Variants in GRHL1 observed in about 807,000 individuals in gnomAD.
GRHL1 encodes grainyhead like transcription factor 1.
In GRHL1, 38 loss-of-function variants were observed where a neutral mutation model predicts 75.7. The observed-to-expected ratio is 0.50, with a 90% confidence interval of 0.39 to 0.66. The LOEUF (loss-of-function observed/expected upper bound fraction) is 0.66. Among genes scored for constraint, GRHL1 ranks in the 30% least tolerant of loss-of-function variants. The pLI, the probability that GRHL1 is intolerant of heterozygous loss-of-function variation, is 0.00. For synonymous variants in GRHL1, 266 were observed against 279.4 expected, an observed-to-expected ratio of 0.95 and a Z score of 0.48; for missense variants, 589 against 767.5, an observed-to-expected ratio of 0.77 and a Z score of 2.75.
At chr2:9,966,740 C>T (rs1425247644) in intron 8 of GRHL1, among the ~76,000 whole-genome samples, 1 of 151,948 alleles carries the variant, frequency 6.6e-6, no homozygotes, top group Non-Finnish European at 1.5e-5. Context: ...GCTTTTCTTT[C>T]TTATCGTTGT....
chr2:9,976,739 T>C (rs1185291281), intron 8 of GRHL1, among the ~76,000 whole-genome samples: 5 of 152,136 alleles, frequency 3.3e-5, no homozygotes, highest in African/African-American at 1.2e-4. Flanking sequence ...TTTGCAGTCA[T>C]TTGAATAGAG....
At position 9,987,155 on chromosome 2, in the gene GRHL1, T is replaced by C. The variant is rs11893362; in HGVS notation, c.1269+873T>C. 0.24 allele frequency among the ~76,000 whole-genome samples: 36,029 copies of C among 151,898 alleles called. 4,511 individuals carry two copies. The highest frequency in any genetic ancestry group is 0.34 in the Admixed American group (5,118 of 15,264). On this transcript the variant is annotated intron_variant, in intron 9 of 15. Coordinates refer to ENST00000324907, the MANE Select transcript of GRHL1 (RefSeq NM_198182.3). The surrounding 1 kb of genome is among the most constrained non-coding windows in gnomAD (Gnocchi z 4.2). ...CCACCACACCTGGCTAATTTTTGTATAGAAACAGGGTTTCGCCAGGTTGGC... is the reference window on the plus strand; with the variant it reads ...CCACCACACCTGGCTAATTTTTGTACAGAAACAGGGTTTCGCCAGGTTGGC...
In GRHL1 at chr2:10,001,721, C is replaced by T. The variant is rs968266439; in HGVS notation, c.*1014C>T. On this transcript the variant is annotated 3_prime_UTR_variant, in exon 16 of 16. Coordinates refer to ENST00000324907, the MANE Select transcript of GRHL1 (RefSeq NM_198182.3). ...TAAAAGAAAAACACTACTGCAATCACGTCTTTTGTTATGCTAGTATCAGTC... is the reference window on the plus strand; with the variant it reads ...TAAAAGAAAAACACTACTGCAATCATGTCTTTTGTTATGCTAGTATCAGTC... 2.0e-5 allele frequency: 3 copies of T among 152,226 alleles called. No homozygotes were observed. Among genetic ancestry groups the T allele is most frequent in the Admixed American group, 6.5e-5 (1 of 15,278 alleles). 9.4% of individuals were successfully genotyped at this position (152,226 alleles called of 1,614,324 possible).
chr2:9,959,881 T>C (rs1667194906), intron 3 of GRHL1: 1 of 152,218 alleles, frequency 6.6e-6, no homozygotes, highest in African/African-American at 2.4e-5. Context: ...TTCTAGACTT[T>C]TTCCGTTTTA....
chr2:9,977,318 A>C lies in GRHL1; in HGVS notation c.1111-8806A>C, dbSNP rs1370283940. On this transcript the variant is annotated intron_variant, in intron 8 of 15. Transcript: ENST00000324907. ...CATTTAATAACAGATAATAATAAAC[A>C]CTGGAAGAAATTTTTTTTTTCAGAC... Among the ~76,000 whole-genome samples, 6 of 152,312 alleles carry C rather than the reference A, an allele frequency of 3.9e-5. No individual in the cohort carries two copies. In the East Asian group the frequency reaches 9.6e-4, roughly 24 times the overall value.
intron 8 of GRHL1, among the ~76,000 whole-genome samples, chr2:9,973,685 T>C (rs1358848706): frequency 1.3e-5 from 2 of 152,258 alleles, no homozygotes; most frequent in Admixed American, 6.5e-5. Flanking sequence ...AGCAATCTTT[T>C]TGACTGATTT....
intron 8 of GRHL1, among the ~76,000 whole-genome samples, chr2:9,976,554 G>A (rs547469052): frequency 6.6e-6 from 1 of 152,258 alleles, no homozygotes; most frequent in South Asian, 2.1e-4. Context: ...GGTTCTTTGA[G>A]GCTGTGTAAT....
chr2:9,983,805 CCA>C (rs1668301833), intron 8 of GRHL1, among the ~76,000 whole-genome samples: 1 of 148,196 alleles, frequency 6.7e-6, no homozygotes, highest in African/African-American at 2.5e-5. Context: ...TGAATGCATT[CCA>C]CAGACTCTCC....
Position 9,951,711 on chromosome 2 carries a change from C to G in GRHL1, c.-123C>G. 2.2e-6 allele frequency: 2 copies of G among 914,150 alleles called. No individual in the cohort carries two copies. The highest frequency in any genetic ancestry group is 1.6e-6 in the Non-Finnish European group (1 of 620,400). The allele number at this position is 914,150 out of a possible 1,614,324, so 56.6% of individuals were successfully genotyped here. The stretch of plus-strand genomic sequence containing the variant: ...CCGGCTCAGAGCGAGAAAAGCAAAC[C>G]CAACCCGTCGGGGCCGCCGCTCCGG... On this transcript the variant is annotated 5_prime_UTR_variant, in exon 1 of 16. Coordinates refer to ENST00000324907, the MANE Select transcript of GRHL1 (RefSeq NM_198182.3). This position sits in a 1 kb window ranked among gnomAD's most constrained non-coding sequence, Gnocchi z 4.2.
intron 8 of GRHL1, among the ~76,000 whole-genome samples, chr2:9,974,884 G>A (rs1667882969): frequency 6.6e-6 from 1 of 152,232 alleles, no homozygotes; most frequent in South Asian, 2.1e-4. Flanking sequence ...ATTACACTGT[G>A]TATTCTGGTC....
chr2:9,966,608 C>G (rs1667507076), intron 8 of GRHL1, among the ~76,000 whole-genome samples: 1 of 152,022 alleles, frequency 6.6e-6, no homozygotes, highest in Non-Finnish European at 1.5e-5. Context: ...ATTTTAGTAA[C>G]TTTTAGAATA....
At chr2:9,998,491 C>CAT (rs1668996911) in intron 14 of GRHL1, among the ~76,000 whole-genome samples, 2 of 16,142 alleles carry the variant, frequency 1.2e-4, no homozygotes, top group Non-Finnish European at 8.9e-5. Context: ...CATATATATA[C>CAT]GTATATATAC....
Position 9,958,850 on chromosome 2 carries a change from G to A in GRHL1, c.272G>A (p.Ser91Asn), listed in dbSNP as rs751653940. 5.6e-6 allele frequency: 9 copies of A among 1,613,518 alleles called. No individual in the cohort carries two copies. Among genetic ancestry groups the A allele is most frequent in the Non-Finnish European group, 7.6e-6 (9 of 1,179,516 alleles). The change falls in exon 3 of 16, where the codon AGC becomes AAC. Residue 91 changes from serine to asparagine, a missense_variant. Coordinates refer to ENST00000324907, the MANE Select transcript of GRHL1 (RefSeq NM_198182.3). ...GTGGAGCACCCTGAGCCAGATCACA[G>A]CAAAAGGTAACATTCAGTGCCTAAC... ...PEVEHPEPDH[S>N]KRNSIPIVTE...
rs1428546406 is a variant in GRHL1, at chr2:9,990,665, G to A, written c.1270-31G>A. The A allele has an allele frequency of 1.4e-6, 2 of 1,415,708 alleles. No homozygotes were observed. Among genetic ancestry groups the A allele is most frequent in the East Asian group, 2.3e-5 (1 of 43,526 alleles). The allele number at this position is 1,415,708 out of a possible 1,614,324, so 87.7% of individuals were successfully genotyped here. ...ATATTTTAAAGAAGATTGGAAAACA[G>A]AATCATATCTTGTCTTCTCTTAACC... On this transcript the variant is annotated intron_variant, in intron 9 of 15. Coordinates refer to ENST00000324907, the MANE Select transcript of GRHL1 (RefSeq NM_198182.3). This position sits in a 1 kb window ranked among gnomAD's most constrained non-coding sequence, Gnocchi z 4.2.
At chr2:9,995,620 G>A (rs1057028300) in intron 12 of GRHL1, among the ~76,000 whole-genome samples, 2 of 151,296 alleles carry the variant, frequency 1.3e-5, no homozygotes, top group African/African-American at 4.9e-5. Context: ...CCTCATCTTC[G>A]AGAAGGCAGC....
In GRHL1 at chr2:9,968,235, T is replaced by C. The variant is rs1444696432; in HGVS notation, c.1110+2854T>C. On this transcript the variant is annotated intron_variant, in intron 8 of 15. Transcript: ENST00000324907. This position sits in a 1 kb window ranked among gnomAD's most constrained non-coding sequence, Gnocchi z 4.7. ...TATCTTACACTGGCCCTGTGTGCAC[T>C]CCATTCATCACCATAAACATATGTC... Among the ~76,000 whole-genome samples the C allele has an allele frequency of 2.6e-5, 4 of 152,240 alleles. No homozygotes were observed. Among genetic ancestry groups the C allele is most frequent in the Admixed American group, 1.3e-4 (2 of 15,288 alleles).
Position 9,999,015 on chromosome 2 carries a change from G to A in GRHL1, c.1728G>A (p.Lys576=). Residue 576 remains lysine, a synonymous_variant, in exon 15 of 16, where the codon AAG becomes AAA. Transcript: ENST00000324907. ...VPHDKIGKIF[K]KCKKGILVNM... is the part of the protein sequence containing the mutation. ...ATGACAAGATTGGGAAAATATTCAA[G>A]AAGTGTAAAAAGGGGTAAGCAGCCA... 2 of 1,575,146 alleles carry A rather than the reference G, an allele frequency of 1.3e-6. No individual in the cohort carries two copies. Among genetic ancestry groups the A allele is most frequent in the Non-Finnish European group, 1.7e-6 (2 of 1,155,624 alleles).
At chr2:9,988,802 T>C (rs185594779) in intron 9 of GRHL1, among the ~76,000 whole-genome samples, 5 of 152,308 alleles carry the variant, frequency 3.3e-5, no homozygotes, top group Admixed American at 3.3e-4. Flanking sequence ...GCATTTCGTC[T>C]GGTTTTTGTT....
chr2:9,967,371 T>C (rs1317461045), intron 8 of GRHL1, among the ~76,000 whole-genome samples: 1 of 152,250 alleles, frequency 6.6e-6, no homozygotes, highest in Non-Finnish European at 1.5e-5. Flanking sequence ...GTTTGATGTG[T>C]CACTCTTTGG....
Sources: allele counts gnomAD v4.1 joint callset (sites outside exome capture counted in the v4.1 genomes callset), GRCh38; gene constraint gnomAD v4.1.1; non-coding constraint Gnocchi (gnomAD v3.1); transcripts MANE v1.5; gene names NCBI Gene and HGNC (gene_info 2026-07-23, HGNC 2026-07-21).